The following ZNF347 variants were observed in gnomAD, a reference collection of about 807,000 sequenced individuals.
ZNF347 encodes CTD-2620I22.7.
ZNF347 carries 19 observed loss-of-function variants against 12.9 expected under a neutral mutation model. That is an observed-to-expected ratio of 1.47 (90% CI 1.03 to 2.16). The LOEUF is 2.16. Ranked by LOEUF, ZNF347 falls within the 30% of genes most tolerant of loss-of-function variation. ZNF347 has a pLI of 0.00. For synonymous variants in ZNF347, 328 were observed against 340.6 expected (o/e 0.96, Z 0.41); for missense variants, 1,005 against 990.6 (o/e 1.01, Z -0.19).
rs1297802644 is a variant in ZNF347, at chr19:53,142,228, A to G, written c.600T>C (p.Tyr200=). 3 of 1,613,042 alleles carry G rather than the reference A, an allele frequency of 1.9e-6. No homozygotes were observed. Among genetic ancestry groups the G allele is most frequent in the Non-Finnish European group, 2.5e-6 (3 of 1,179,750 alleles). The change falls in exon 5 of 5, where the codon TAT becomes TAC. Residue 200 remains tyrosine (Y), a synonymous_variant. Coordinates refer to ENST00000334197, the MANE Select transcript of ZNF347 (RefSeq NM_032584.3). The part of the protein sequence containing the change: ...SHLPELQLFQ[Y]EGKIYECNQV... ...GATTACATTCATAAATTTTCCCTTCATATTGAAAAAGCTGCAGTTCAGGCA... is the reference window on the plus strand; with the variant it reads ...GATTACATTCATAAATTTTCCCTTCGTATTGAAAAAGCTGCAGTTCAGGCA...
chr19:53,157,734 C>T (rs945748683), intron 1 of ZNF347, among the ~76,000 whole-genome samples: 1 of 152,134 alleles, frequency 6.6e-6, no homozygotes, highest in Admixed American at 6.5e-5. Flanking sequence ...TCCTCGTCAC[C>T]GGCTGTCCCC....
intron 1 of ZNF347, among the ~76,000 whole-genome samples, chr19:53,156,059 G>GGGGGC (rs2090533697): frequency 7.9e-6 from 1 of 126,146 alleles, no homozygotes; most frequent in Non-Finnish European, 1.7e-5. Flanking sequence ...GGGGGGGGGG[G>GGGGGC]GTTAGGCGGG....
At position 53,137,766 on chromosome 19, in the gene ZNF347, T is replaced by TA. The variant is rs939495651; in HGVS notation, c.*2541dup. ...TCAAATTATGTGAGCATAGCATTCT[T>TA]AGTGTTATTTTTGTTATTCTGCACT... On this transcript the variant is annotated 3_prime_UTR_variant, in exon 5 of 5. Coordinates refer to ENST00000334197, the MANE Select transcript of ZNF347 (RefSeq NM_032584.3). The TA allele has an allele frequency of 9.2e-5, 14 of 152,312 alleles. No homozygotes were observed. Among genetic ancestry groups the TA allele is most frequent in the African/African-American group, 3.4e-4 (14 of 41,580 alleles). 9.4% of individuals were successfully genotyped at this position (152,312 alleles called of 1,614,324 possible).
chr19:53,154,083 C>A (rs1003170419), intron 1 of ZNF347, among the ~76,000 whole-genome samples: 2 of 152,152 alleles, frequency 1.3e-5, no homozygotes, highest in African/African-American at 4.8e-5. Flanking sequence ...CTGGGCTGGA[C>A]TGAGCTCCCC....
rs766436408 is a variant in ZNF347, at chr19:53,148,735, C to T, written c.217G>A (p.Val73Ile). Residue 73 changes from valine to isoleucine, a missense_variant, in exon 4 of 5, where the codon GTA (valine) becomes ATA (isoleucine). By Grantham distance (29) the Val-to-Ile change is conservative (BLOSUM62 3). Transcript: ENST00000334197. ...CCATCTGGGTTTCCTGCTATTTGTA[C>T]TTGGCTCTCCAAAGTGAAAGGCTCC... is the stretch of plus-strand genomic sequence containing the variant. Reference protein sequence around the residue: ...GKEPFTLESQVQIAGNPDGWE... With the variant: ...GKEPFTLESQIQIAGNPDGWE... 1.2e-6 allele frequency: 2 copies of T among 1,614,070 alleles called. No individual in the cohort carries two copies. The highest frequency in any genetic ancestry group is 1.7e-6 in the Non-Finnish European group (2 of 1,179,962).
intron 4 of ZNF347, among the ~76,000 whole-genome samples, chr19:53,142,876 G>C (rs1222493102): frequency 6.6e-6 from 1 of 152,100 alleles, no homozygotes; most frequent in Non-Finnish European, 1.5e-5. Context: ...AAAGCTAAGG[G>C]AATTTACCAT....
rs544055972 is a variant in ZNF347 at position 53,143,604 on chromosome 19, C to T, written c.272-1048G>A. On this transcript the variant is annotated intron_variant, in intron 4 of 4. Transcript: ENST00000334197. Reference sequence around the variant, plus strand: ...AGTATTCCATGGTGTATATGTGCCACGTTTTCTTAATCCAGTCTATCATTG... The same window carrying T: ...AGTATTCCATGGTGTATATGTGCCATGTTTTCTTAATCCAGTCTATCATTG... Among the ~76,000 whole-genome samples, 6 of 151,934 alleles carry T rather than the reference C, an allele frequency of 3.9e-5. No homozygotes were observed. In the South Asian group the frequency reaches 1.0e-3, roughly 26 times the overall value.
At position 53,140,396 on chromosome 19, in the gene ZNF347, AT is replaced by A. The variant is rs755065973; in HGVS notation, c.2431del (p.Ile811SerfsTer16). 6.2e-7 allele frequency: 1 copy of A among 1,612,900 alleles called. No homozygotes were observed. The highest frequency in any genetic ancestry group is 1.1e-5 in the South Asian group (1 of 90,910). On this transcript the variant is annotated frameshift_variant, in exon 5 of 5. Transcript: ENST00000334197. LOFTEE classifies it low-confidence loss of function (END_TRUNC). ...TTTGTAAGGTTTCCCACCAGTATGG[AT>A]TGTCTGATGGGTAGTTAGGCTTGAA... ...ICSSLTTHQT[I>X]HTGGKPYKCN...
rs539486724 is a variant in ZNF347, at chr19:53,156,233, T to C, written c.-46-2440A>G. Among the ~76,000 whole-genome samples the C allele has an allele frequency of 9.3e-4, 142 of 152,176 alleles. 3 individuals are homozygous for C. In the South Asian group the frequency reaches 0.029, roughly 31 times the overall value. ...GGCCAACATGGCAAAACCTCGTCTC[T>C]ACTAAAAATACAAAAATTAGCTGGA... On this transcript the variant is annotated intron_variant, in intron 1 of 4. Transcript: ENST00000334197.
At chr19:53,144,938 G>T (rs1202072429) in intron 4 of ZNF347, among the ~76,000 whole-genome samples, 1 of 151,864 alleles carries the variant, frequency 6.6e-6, no homozygotes, top group Admixed American at 6.6e-5. Flanking sequence ...ATTGTATCTA[G>T]TATCTTTTCT....
Position 53,138,544 on chromosome 19 carries a change from G to C in ZNF347, c.*1764C>G, listed in dbSNP as rs558275942. ...CCAACACTGTGGCAGCTTTCAGAGTGTAAGAGTATGAAAACTGCACTTTCT... is the reference window on the plus strand; with the variant it reads ...CCAACACTGTGGCAGCTTTCAGAGTCTAAGAGTATGAAAACTGCACTTTCT... On this transcript the variant is annotated 3_prime_UTR_variant, in exon 5 of 5. Coordinates refer to ENST00000334197, the MANE Select transcript of ZNF347 (RefSeq NM_032584.3). 1.2e-4 allele frequency: 18 copies of C among 152,118 alleles called. No homozygotes were observed. Among genetic ancestry groups the C allele is most frequent in the Non-Finnish European group, 2.4e-4 (16 of 68,030 alleles). The allele number at this position is 152,118 out of a possible 1,614,324, so 9.4% of individuals were successfully genotyped here. A position where few individuals can be genotyped will look rare whatever the true frequency, so the allele number is the denominator to read the frequency against.
intron 4 of ZNF347, among the ~76,000 whole-genome samples, chr19:53,143,054 T>C (rs2090439908): frequency 6.6e-6 from 1 of 152,140 alleles, no homozygotes; most frequent in South Asian, 2.1e-4. Context: ...AGCACAACAG[T>C]TTGTTAAGTG....
At chr19:53,149,509 A>C in intron 2 of ZNF347, 142 bp from the exon 3 acceptor site, 1 of 1,443,330 alleles carries the variant, frequency 6.9e-7, no homozygotes, top group South Asian at 1.3e-5. Flanking sequence ...TATGGTCTTC[A>C]TCCCCCTTTC....
chr19:53,149,313 A>AT lies in ZNF347; in HGVS notation c.69dup (p.Cys24MetfsTer19), dbSNP rs762909122. ...AAAGTCCTCTGAGCGGGGTCCAGGC[A>AT]TGTCCACTCCTCCTGAGAGAATTCT... On this transcript the variant is annotated frameshift_variant, in exon 3 of 5. Coordinates refer to ENST00000334197, the MANE Select transcript of ZNF347 (RefSeq NM_032584.3). LOFTEE classifies it high-confidence loss of function. 67 of 1,613,924 alleles carry AT rather than the reference A, an allele frequency of 4.2e-5. No homozygotes were observed. The highest frequency in any genetic ancestry group is 1.6e-4 in the Middle Eastern group (1 of 6,084).
rs1196975583 is a variant in ZNF347, at chr19:53,150,228, TAGG to T, written c.16-864_16-862del. On this transcript the variant is annotated intron_variant, in intron 2 of 4. Transcript: ENST00000334197. Reference sequence around the variant, plus strand: ...TAGACAGTGTCAGAATTGAACTGAATAGGAGGTCACTCAGCTGGTGTCCAGTGC... The same window carrying T: ...TAGACAGTGTCAGAATTGAACTGAATAGGTCACTCAGCTGGTGTCCAGTGC... 5.9e-5 allele frequency among the ~76,000 whole-genome samples: 9 copies of T among 152,234 alleles called. No homozygotes were observed. In the East Asian group the frequency reaches 1.2e-3, roughly 20 times the overall value.
chr19:53,136,925 G>T lies in ZNF347; in HGVS notation c.*3383C>A, dbSNP rs1230798918. On this transcript the variant is annotated 3_prime_UTR_variant, in exon 5 of 5. Transcript: ENST00000334197. ...GTTTTTTTGAGAGTCTCACTCTATTGCCCAGGCTGGAGTGCAGTGGTGAGA... is the reference window on the plus strand; with the variant it reads ...GTTTTTTTGAGAGTCTCACTCTATTTCCCAGGCTGGAGTGCAGTGGTGAGA... 1 of 152,106 alleles carries T rather than the reference G, an allele frequency of 6.6e-6. No individual in the cohort carries two copies. Among genetic ancestry groups the T allele is most frequent in the Non-Finnish European group, 1.5e-5 (1 of 68,038 alleles). 9.4% of individuals were successfully genotyped at this position (152,106 alleles called of 1,614,324 possible).
chr19:53,140,585 T>G lies in ZNF347; in HGVS notation c.2243A>C (p.Gln748Pro). ...CCGATGTCTTGCAAGGTGTGAATTC[T>G]GAGTGAAGACCTTCCCACACTCATT... is the stretch of plus-strand genomic sequence containing the variant. ...KCNECGKVFT[Q>P]NSHLARHRGI... The change falls in exon 5 of 5, where the codon CAG becomes CCG. Residue 748 changes from glutamine (Q) to proline (P), a missense_variant. By Grantham distance (76) the Gln-to-Pro change is moderately conservative. Coordinates refer to ENST00000334197, the MANE Select transcript of ZNF347 (RefSeq NM_032584.3). 1 of 1,613,990 alleles carries G rather than the reference T, an allele frequency of 6.2e-7. No individual in the cohort carries two copies. The highest frequency in any genetic ancestry group is 8.5e-7 in the Non-Finnish European group (1 of 1,179,910).
chr19:53,158,213 G>T (rs71363307), intron 1 of ZNF347, among the ~76,000 whole-genome samples: 25,933 of 152,108 alleles, frequency 0.17, 2,409 homozygotes, highest in Middle Eastern at 0.23. Flanking sequence ...GGAGAAGCGG[G>T]GACTGCGAAG....
chr19:53,141,129 T>A lies in ZNF347; in HGVS notation c.1699A>T (p.Lys567Ter). The A allele has an allele frequency of 8.1e-6, 13 of 1,614,178 alleles. No individual in the cohort carries two copies. The highest frequency in any genetic ancestry group is 1.1e-5 in the Non-Finnish European group (13 of 1,180,032). ...TTHQVIHTGE[K>*]PYKCNECGKV... ...CCACACTCATTACATTTGTAAGGTT[T>A]TTCTCCAGTATGGATGACCTGATGG... Residue 567 changes from lysine to a stop codon, truncating the protein, a stop_gained, in exon 5 of 5, where the codon AAA becomes TAA. Coordinates refer to ENST00000334197, the MANE Select transcript of ZNF347 (RefSeq NM_032584.3). LOFTEE classifies it low-confidence loss of function (END_TRUNC).
Sources: allele counts gnomAD v4.1 joint callset (sites outside exome capture counted in the v4.1 genomes callset), GRCh38; gene constraint gnomAD v4.1.1; transcripts MANE v1.5; gene names NCBI Gene and HGNC (gene_info 2026-07-23, HGNC 2026-07-21).